Variants in RPA1 observed in about 807,000 individuals in gnomAD.
RPA1 encodes replication protein A1, also known as replication protein A 70 kDa DNA-binding subunit.
RPA1 carries 49 observed loss-of-function variants against 83.0 expected under a neutral mutation model. That is an observed-to-expected ratio of 0.59 (90% CI 0.47 to 0.75). The LOEUF (loss-of-function observed/expected upper bound fraction) is 0.75, where lower values mean the gene tolerates loss of function less well. Among genes scored for constraint, RPA1 ranks in the 30% least tolerant of loss-of-function variants. The pLI is 0.00. For missense variants in RPA1, 693 were observed against 776.1 expected (o/e 0.89, Z 1.27); for synonymous variants, 279 against 281.8 (o/e 0.99, Z 0.10).
chr17:1,883,941 C>A lies in RPA1; in HGVS notation c.1371C>A (p.Asp457Glu). 6.2e-7 allele frequency: 1 copy of A among 1,613,762 alleles called. No homozygotes were observed. The highest frequency in any genetic ancestry group is 8.5e-7 in the Non-Finnish European group (1 of 1,179,994). ...EVKSENLGQG[D>E]KPDYFSSVAT... ...AATCCGAGAACCTGGGCCAAGGCGACAAGGTACCCAGCATTCCTAACCACC... is the reference window on the plus strand; with the variant it reads ...AATCCGAGAACCTGGGCCAAGGCGAAAAGGTACCCAGCATTCCTAACCACC... The change falls in exon 13 of 17, where the codon GAC becomes GAA. Residue 457 changes from aspartate (D) to glutamate (E), a missense_variant. By Grantham distance (45) the Asp-to-Glu change is conservative. Transcript: ENST00000254719.
intron 16 of RPA1, 36 bp from the exon 17 acceptor site, chr17:1,897,035 T>G: frequency 6.5e-7 from 1 of 1,535,142 alleles, no homozygotes; most frequent in Non-Finnish European, 8.8e-7. Context: ...CACACCACAC[T>G]TTCACTGCTC....
intron 5 of RPA1, among the ~76,000 whole-genome samples, chr17:1,868,651 A>T (rs1913272832): frequency 6.6e-6 from 1 of 152,110 alleles, no homozygotes; most frequent in Non-Finnish European, 1.5e-5. Flanking sequence ...GGTACCTGTA[A>T]TCCCAGCTAC....
intron 16 of RPA1, among the ~76,000 whole-genome samples, chr17:1,895,667 T>G (rs906704809): frequency 6.6e-5 from 8 of 120,868 alleles, no homozygotes; most frequent in African/African-American, 2.6e-4. Context: ...TAGTATTTAT[T>G]TATTTATTTA....
At chr17:1,891,981 G>A (rs747856406) in intron 15 of RPA1, 41 bp downstream of exon 15, 14 of 1,406,608 alleles carry the variant, frequency 1.0e-5, no homozygotes, top group African/African-American at 5.8e-5. Flanking sequence ...AACTTTTAAT[G>A]GTTCTCATTC....
chr17:1,857,639 C>G (rs1255711552), intron 5 of RPA1, among the ~76,000 whole-genome samples: 1 of 150,872 alleles, frequency 6.6e-6, no homozygotes, highest in Admixed American at 6.6e-5. Context: ...CACCCAAAGC[C>G]TCACCAACCC....
chr17:1,875,823 T>C (rs1488064170), intron 7 of RPA1, 30 bp downstream of exon 7: 1 of 1,586,780 alleles, frequency 6.3e-7, no homozygotes, highest in Non-Finnish European at 8.6e-7. Flanking sequence ...AAGTTCAGAG[T>C]GTACTTATGA....
intron 3 of RPA1, 28 bp downstream of exon 3, chr17:1,844,026 G>A (rs367669421): frequency 3.8e-6 from 6 of 1,596,430 alleles, no homozygotes; most frequent in African/African-American, 1.3e-5. Flanking sequence ...ATCTAGAAAT[G>A]TGTGAGTATT....
intron 2 of RPA1, among the ~76,000 whole-genome samples, chr17:1,843,333 A>T (rs779141178): frequency 1.3e-5 from 2 of 151,714 alleles, no homozygotes; most frequent in East Asian, 1.9e-4. Flanking sequence ...GGCCGGTCTG[A>T]TGGGTCTCTC....
At chr17:1,846,199 T>C (rs545294629) in intron 4 of RPA1, among the ~76,000 whole-genome samples, 2 of 152,242 alleles carry the variant, frequency 1.3e-5, no homozygotes, top group South Asian at 4.1e-4. Context: ...TGGCTGTCTA[T>C]TGTTAGGTTA....
chr17:1,875,640 C>A (rs17292063), intron 6 of RPA1, 21 bp from the exon 7 acceptor site: 3 of 1,602,298 alleles, frequency 1.9e-6, no homozygotes, highest in East Asian at 4.5e-5. Context: ...AACTCCTTTT[C>A]GTTTGCGTTT....
chr17:1,894,148 C>CA lies in RPA1; in HGVS notation c.1660-860dup, dbSNP rs1280289116. 1.1e-4 allele frequency among the ~76,000 whole-genome samples: 16 copies of CA among 150,226 alleles called. No individual in the cohort carries two copies. In the Admixed American group the frequency reaches 1.1e-3, roughly 10 times the overall value. On this transcript the variant is annotated intron_variant, in intron 15 of 16. Coordinates refer to ENST00000254719, the MANE Select transcript of RPA1 (RefSeq NM_002945.5). ...TCTCCCAAAACATTGGGATTATAGTCACGCGCCACCATACCTGACCTCCTA... is the reference window on the plus strand; with the variant it reads ...TCTCCCAAAACATTGGGATTATAGTCAACGCGCCACCATACCTGACCTCCTA...
chr17:1,868,541 C>T (rs1380051618), intron 5 of RPA1, among the ~76,000 whole-genome samples: 7 of 152,022 alleles, frequency 4.6e-5, no homozygotes, highest in Non-Finnish European at 7.4e-5. Flanking sequence ...GAAGCCGAGG[C>T]GGGTGGATCA....
intron 1 of RPA1, among the ~76,000 whole-genome samples, chr17:1,834,061 T>C (rs1911718084): frequency 6.6e-6 from 1 of 152,046 alleles, no homozygotes; most frequent in Non-Finnish European, 1.5e-5. Flanking sequence ...GTGCCTGTAA[T>C]CCCTGCTGCT....
chr17:1,880,757 C>T, intron 12 of RPA1, 66 bp downstream of exon 12: 6 of 1,592,916 alleles, frequency 3.8e-6, no homozygotes, highest in Non-Finnish European at 5.1e-6. Flanking sequence ...TGGTTACAAT[C>T]AGCATGGGAG....
At position 1,859,313 on chromosome 17, in the gene RPA1, C is replaced by T. The variant is rs184563393; in HGVS notation, c.361+6124C>T. ...AGAGTCTTACAAATGTCAATTAGGT[C>T]GAGTCGGTAAATTGTGTTATTCAGT... On this transcript the variant is annotated intron_variant, in intron 5 of 16. Transcript: ENST00000254719. Among the ~76,000 whole-genome samples, 48 of 152,164 alleles carry T rather than the reference C, an allele frequency of 3.2e-4. 1 individual carries two copies. In the East Asian group the frequency reaches 8.7e-3, roughly 27 times the overall value.
At chr17:1,861,514 C>T (rs780143642) in intron 5 of RPA1, among the ~76,000 whole-genome samples, 2 of 152,128 alleles carry the variant, frequency 1.3e-5, no homozygotes, top group East Asian at 3.9e-4. Context: ...CGAGGTGTGT[C>T]CTTAAAAACA....
intron 2 of RPA1, 97 bp from the exon 3 acceptor site, chr17:1,843,823 T>C (rs1597422013): frequency 2.3e-6 from 2 of 885,290 alleles, no homozygotes; most frequent in Non-Finnish European, 3.7e-6. Flanking sequence ...CAGTTTGTGT[T>C]GAACTAATGG....
chr17:1,899,328 TCTC>T lies in RPA1; in HGVS notation c.*2157_*2159del, dbSNP rs1328334870. 7.4e-6 allele frequency: 1 copy of T among 134,750 alleles called. No homozygotes were observed. The highest frequency in any genetic ancestry group is 2.6e-5 in the African/African-American group (1 of 37,798). The allele number at this position is 134,750 out of a possible 1,614,324, so 8.3% of individuals were successfully genotyped here. On this transcript the variant is annotated 3_prime_UTR_variant, in exon 17 of 17. Coordinates refer to ENST00000254719, the MANE Select transcript of RPA1 (RefSeq NM_002945.5). The stretch of plus-strand genomic sequence containing the variant: ...GAAAGGCTGTTGATGTTGTTCTGTT[TCTC>T]CTCTTTCACTTAGAGATCAATGTTG...
At chr17:1,846,373 A>G (rs1912257444) in intron 4 of RPA1, among the ~76,000 whole-genome samples, 1 of 129,162 alleles carries the variant, frequency 7.7e-6, no homozygotes, top group African/African-American at 2.9e-5. Context: ...GCGGGAGTGC[A>G]GTGGCACCAT....
Sources: allele counts gnomAD v4.1 joint callset (sites outside exome capture counted in the v4.1 genomes callset), GRCh38; gene constraint gnomAD v4.1.1; transcripts MANE v1.5; gene names NCBI Gene and HGNC (gene_info 2026-07-23, HGNC 2026-07-21).